Variants in MYT1L observed in about 807,000 individuals in gnomAD.
MYT1L encodes myelin transcription factor 1 like.
MYT1L carries 12 observed loss-of-function variants against 126.7 expected under a neutral mutation model. The observed-to-expected ratio is 0.09, with a 90% confidence interval of 0.06 to 0.15. The LOEUF (loss-of-function observed/expected upper bound fraction) is 0.15. Ranked by LOEUF, MYT1L falls within the 10% of genes least tolerant of loss-of-function variation. MYT1L has a pLI of 1.00. For synonymous variants in MYT1L, 541 were observed against 604.2 expected, an observed-to-expected ratio of 0.90 and a Z score of 1.53; for missense variants, 979 against 1,585.2, an observed-to-expected ratio of 0.62 and a Z score of 6.49.
intron 8 of MYT1L, among the ~76,000 whole-genome samples, chr2:1,952,769 CCCT>C (rs2057926403): frequency 3.5e-4 from 1 of 2,860 alleles, no homozygotes; most frequent in Non-Finnish European, 5.9e-4. Context: ...CTCCTTCCCT[CCCT>C]TCCCTCCTTT....
chr2:2,164,134 G>C (rs1238905294), intron 3 of MYT1L, among the ~76,000 whole-genome samples: 4 of 152,170 alleles, frequency 2.6e-5, no homozygotes, highest in Non-Finnish European at 4.4e-5. Context: ...TAATTCAGAT[G>C]ATTTGATTGT....
intron 2 of MYT1L, among the ~76,000 whole-genome samples, chr2:2,246,317 T>A (rs1290598563): frequency 1.3e-5 from 2 of 152,338 alleles, no homozygotes; most frequent in East Asian, 3.9e-4. Flanking sequence ...GCTTTTCACC[T>A]GAAGAAGTTC....
At chr2:1,954,685 G>A (rs2058185213) in intron 8 of MYT1L, among the ~76,000 whole-genome samples, 1 of 151,982 alleles carries the variant, frequency 6.6e-6, no homozygotes, top group Non-Finnish European at 1.5e-5. Flanking sequence ...TCTTTTCCAG[G>A]GACCCCTGAA....
chr2:2,121,926 G>A (rs1026139122), intron 3 of MYT1L, among the ~76,000 whole-genome samples: 17 of 152,164 alleles, frequency 1.1e-4, no homozygotes, highest in African/African-American at 3.9e-4. Flanking sequence ...GAGACCACCC[G>A]GGAAGGAAAG....
chr2:2,239,691 C>G lies in MYT1L; in HGVS notation c.-421+44713G>C, dbSNP rs150504361. ...TGCTGATAGATTCCAAAAATATTTTCCTCTTTCTCCCCAGTGGGCTGGTTT... is the reference window on the plus strand; with the variant it reads ...TGCTGATAGATTCCAAAAATATTTTGCTCTTTCTCCCCAGTGGGCTGGTTT... On this transcript the variant is annotated intron_variant, in intron 2 of 24. Coordinates refer to ENST00000647738, the MANE Select transcript of MYT1L (RefSeq NM_001303052.2). Among the ~76,000 whole-genome samples the G allele has an allele frequency of 4.2e-3, 637 of 152,280 alleles. 2 individuals are homozygous for G. The highest frequency in any genetic ancestry group is 7.5e-3 in the Non-Finnish European group (511 of 68,026).
chr2:2,061,800 G>C (rs1159395341), intron 3 of MYT1L, among the ~76,000 whole-genome samples: 2 of 152,106 alleles, frequency 1.3e-5, no homozygotes, highest in Non-Finnish European at 2.9e-5. Flanking sequence ...AGGAAGAAAA[G>C]GTCTTTCAAA....
rs145933950 is a variant in MYT1L at position 1,806,291 on chromosome 2, C to T, written c.3172+2785G>A. Among the ~76,000 whole-genome samples, 308 of 152,324 alleles carry T rather than the reference C, an allele frequency of 2.0e-3. 1 individual carries two copies. Among genetic ancestry groups the T allele is most frequent in the African/African-American group, 6.7e-3 (277 of 41,564 alleles). On this transcript the variant is annotated intron_variant, in intron 22 of 24. Transcript: ENST00000647738. This position sits in a 1 kb window ranked among gnomAD's most constrained non-coding sequence, Gnocchi z 4.9. The stretch of plus-strand genomic sequence containing the variant: ...CACCTGTTCTCCCAGTGACCTGCAG[C>T]TCCTCTTTTTTACCCATGGACGTGC...
At chr2:2,201,388 T>C (rs570114759) in intron 2 of MYT1L, among the ~76,000 whole-genome samples, 11 of 152,136 alleles carry the variant, frequency 7.2e-5, no homozygotes, top group Non-Finnish European at 1.0e-4. Flanking sequence ...TTGTCATTAA[T>C]GGTTAGGTTC....
At chr2:2,026,771 G>T (rs1281712269) in intron 4 of MYT1L, among the ~76,000 whole-genome samples, 1 of 152,094 alleles carries the variant, frequency 6.6e-6, no homozygotes, top group Non-Finnish European at 1.5e-5. Flanking sequence ...GCCACCCCAG[G>T]GTGCTTTCTG....
rs761734045 is a variant in MYT1L at position 1,979,746 on chromosome 2, C to A, written c.32G>T (p.Arg11Leu). 3.1e-6 allele frequency: 5 copies of A among 1,613,872 alleles called. No individual in the cohort carries two copies. The highest frequency in any genetic ancestry group is 4.2e-6 in the Non-Finnish European group (5 of 1,179,908). Residue 11 changes from arginine to leucine, a missense_variant, in exon 6 of 25, where the codon CGC becomes CTC. Transcript: ENST00000647738. The surrounding 1 kb of genome is among the most constrained non-coding windows in gnomAD (Gnocchi z 4.0). MEVDTEEKRH[R>L]TRSKGVRVPV... Reference sequence around the variant, plus strand: ...ACCTCGAACCCCTTTGGACCGCGTGCGATGCCGCTTCTCCTCGGTGTCCAC... The same window carrying A: ...ACCTCGAACCCCTTTGGACCGCGTGAGATGCCGCTTCTCCTCGGTGTCCAC...
At chr2:2,069,415 T>C (rs2074312094) in intron 3 of MYT1L, among the ~76,000 whole-genome samples, 1 of 152,208 alleles carries the variant, frequency 6.6e-6, no homozygotes, top group Admixed American at 6.5e-5. Context: ...TCCTTTTTTA[T>C]GGCTGCATAG....
intron 19 of MYT1L, among the ~76,000 whole-genome samples, chr2:1,847,108 C>A (rs1173922948): frequency 1.3e-5 from 2 of 152,182 alleles, no homozygotes; most frequent in Non-Finnish European, 2.9e-5. Flanking sequence ...CGATTTTGCG[C>A]ATTATTGTAA....
chr2:1,819,959 C>G (rs1481554669), intron 21 of MYT1L, among the ~76,000 whole-genome samples: 1 of 151,756 alleles, frequency 6.6e-6, no homozygotes, highest in Admixed American at 6.6e-5. Flanking sequence ...CTGGCAACCA[C>G]ACAGTAGAGT....
chr2:2,010,282 G>C (rs1234833293), intron 4 of MYT1L, among the ~76,000 whole-genome samples: 1 of 152,132 alleles, frequency 6.6e-6, no homozygotes, highest in East Asian at 1.9e-4. Context: ...TGACCCTTCA[G>C]GTCTGGGGGA....
intron 19 of MYT1L, among the ~76,000 whole-genome samples, chr2:1,846,278 C>A (rs908101113): frequency 1.1e-4 from 16 of 152,166 alleles, no homozygotes; most frequent in Admixed American, 3.9e-4. Context: ...TGTTCCTTAG[C>A]CTCGGGGACA....
intron 3 of MYT1L, among the ~76,000 whole-genome samples, chr2:2,063,797 T>C (rs1000357422): frequency 6.6e-5 from 10 of 152,118 alleles, no homozygotes; most frequent in African/African-American, 2.2e-4. Flanking sequence ...TGAGCTGAGA[T>C]TGCACCATTG....
intron 3 of MYT1L, among the ~76,000 whole-genome samples, chr2:2,172,095 A>G (rs1407022734): frequency 6.6e-6 from 1 of 152,212 alleles, no homozygotes; most frequent in Non-Finnish European, 1.5e-5. Flanking sequence ...TCACTCGTTC[A>G]GAACCAACGA....
At chr2:1,952,787 C>T (rs1230004239) in intron 8 of MYT1L, among the ~76,000 whole-genome samples, 2 of 66,060 alleles carry the variant, frequency 3.0e-5, no homozygotes, top group African/African-American at 1.5e-4. Flanking sequence ...TCCTTTCCTC[C>T]CTTCCCTCCT....
chr2:1,877,864 A>G (rs1196109027), intron 18 of MYT1L, among the ~76,000 whole-genome samples: 1 of 152,198 alleles, frequency 6.6e-6, no homozygotes, highest in African/African-American at 2.4e-5. Flanking sequence ...GGACCAGGGA[A>G]GTGCTGGGGT....
Sources: gnomAD v4.1 joint callset for allele counts (sites outside exome capture counted in the v4.1 genomes callset) on GRCh38, gnomAD v4.1.1 for gene constraint, Gnocchi (gnomAD v3.1) non-coding constraint, MANE v1.5 for transcripts, NCBI Gene and HGNC (gene_info 2026-07-23, HGNC 2026-07-21) for gene names.